Variants in SDE2 observed in about 807,000 individuals in gnomAD.
SDE2 encodes the protein splicing regulator SDE2.
In SDE2, 31 loss-of-function variants were observed where a neutral mutation model predicts 46.9. The observed-to-expected ratio is 0.66, with a 90% CI of 0.50 to 0.89. SDE2 has a LOEUF of 0.89. Ranked by LOEUF, SDE2 falls within the 40% of genes least tolerant of loss-of-function variation. The pLI is 0.00. For synonymous variants in SDE2, 205 were observed against 204.3 expected (o/e 1.00, Z -0.03); for missense variants, 542 against 564.4 (o/e 0.96, Z 0.40).
Position 225,994,245 on chromosome 1 carries a change from T to C in SDE2, c.238+1021A>G, listed in dbSNP as rs189685137. On this transcript the variant is annotated intron_variant, in intron 2 of 6. Transcript: ENST00000272091. ...GCTCCTAACACCACACCTGGCTAAT[T>C]TTTATATCTCTAGTAGAGACGGGGT... 4.3e-4 allele frequency among the ~76,000 whole-genome samples: 65 copies of C among 152,248 alleles called. 1 individual carries two copies. In the East Asian group the frequency reaches 0.013, roughly 29 times the overall value.
At position 225,988,160 on chromosome 1, in the gene SDE2, C is replaced by A; in HGVS notation, c.870G>T (p.Gly290=). Residue 290 remains glycine, a synonymous_variant, in exon 6 of 7, where the codon GGG becomes GGT. Transcript: ENST00000272091. The part of the protein sequence containing the change: ...EQLQIPVTDS[G]RHILEDSCAE... Reference sequence around the variant, plus strand: ...CACATGAGTCTTCTAAAATATGCCTCCCAGAGTCAGTCACCGGGATCTGCA... The same window carrying A: ...CACATGAGTCTTCTAAAATATGCCTACCAGAGTCAGTCACCGGGATCTGCA... 6.2e-7 allele frequency: 1 copy of A among 1,614,182 alleles called. No individual in the cohort carries two copies.
chr1:225,999,337 C>T lies in SDE2; in HGVS notation c.-25G>A, dbSNP rs1656605380. 2 of 1,604,064 alleles carry T rather than the reference C, an allele frequency of 1.2e-6. No homozygotes were observed. The highest frequency in any genetic ancestry group is 4.5e-5 in the East Asian group (2 of 44,454). On this transcript the variant is annotated 5_prime_UTR_variant, in exon 1 of 7. Transcript: ENST00000272091. ...TGTCACCGACTACCCGAACCTCAAG[C>T]CTCTCTGAGACACCAGGCGCCGCAA... is the stretch of plus-strand genomic sequence containing the variant.
chr1:225,995,527 C>G, intron 1 of SDE2, 144 bp from the exon 2 acceptor site: 1 of 519,066 alleles, frequency 1.9e-6, no homozygotes, highest in African/African-American at 2.0e-5. Flanking sequence ...ATGTAAACTA[C>G]TAGGAGAAAA....
intron 2 of SDE2, among the ~76,000 whole-genome samples, chr1:225,994,208 C>G (rs1364608977): frequency 6.6e-6 from 1 of 152,132 alleles, no homozygotes; most frequent in Admixed American, 6.6e-5. Context: ...TCCCAAGTAG[C>G]TGAGATTACA....
At position 225,985,538 on chromosome 1, in the gene SDE2, TAAGAA is replaced by T; in HGVS notation, c.1135-20_1135-16del. 2.0e-6 allele frequency: 3 copies of T among 1,504,780 alleles called. No homozygotes were observed. Among genetic ancestry groups the T allele is most frequent in the Non-Finnish European group, 2.8e-6 (3 of 1,082,134 alleles). The allele number at this position is 1,504,780 out of a possible 1,614,324, so 93.2% of individuals were successfully genotyped here. A position where few individuals can be genotyped will look rare whatever the true frequency, so the allele number is the denominator to read the frequency against. ...TTATCAATAACCTGAGGGAAAAAAA[TAAGAA>T]AATATTTAAAACAGGCTCCTTCCTC... is the stretch of plus-strand genomic sequence containing the variant. On this transcript the variant is annotated splice_polypyrimidine_tract_variant and intron_variant, in intron 6 of 6. Coordinates refer to ENST00000272091, the MANE Select transcript of SDE2 (RefSeq NM_152608.4).
At chr1:225,997,595 A>G (rs1269033407) in intron 1 of SDE2, among the ~76,000 whole-genome samples, 2 of 151,348 alleles carry the variant, frequency 1.3e-5, no homozygotes, top group Non-Finnish European at 2.9e-5. Flanking sequence ...ACGCCTGGCT[A>G]ATTTTTGTGT....
chr1:225,992,642 A>T, intron 3 of SDE2, 75 bp from the exon 4 acceptor site: 1 of 985,492 alleles, frequency 1.0e-6, no homozygotes, highest in Non-Finnish European at 1.5e-6. Context: ...AATGTCTCTG[A>T]CGAATTAATG....
rs149513861 is a variant in SDE2, at chr1:225,987,414, G to A, written c.1134+482C>T. On this transcript the variant is annotated intron_variant, in intron 6 of 6. Transcript: ENST00000272091. ...TAAGATTTAATGATAAATTTAAAAG[G>A]AGGTTCCTCTTCTATAGAAGAGGTC... Among the ~76,000 whole-genome samples the A allele has an allele frequency of 1.6e-3, 247 of 152,222 alleles. 1 individual carries two copies. Among genetic ancestry groups the A allele is most frequent in the African/African-American group, 5.6e-3 (234 of 41,526 alleles).
intron 5 of SDE2, among the ~76,000 whole-genome samples, chr1:225,990,867 G>A (rs1656383032): frequency 6.6e-6 from 1 of 150,700 alleles, no homozygotes; most frequent in Admixed American, 6.7e-5. Flanking sequence ...GAGAAGTCTG[G>A]CAAAGTGACC....
At chr1:225,992,840 AG>A (rs1656433284) in intron 3 of SDE2, 50 bp downstream of exon 3, 1 of 1,020,568 alleles carries the variant, frequency 9.8e-7, no homozygotes, top group Non-Finnish European at 1.5e-6. Flanking sequence ...CACTACTAAT[AG>A]GAAAGTATAT....
chr1:225,989,618 G>C (rs1242983774), intron 5 of SDE2, among the ~76,000 whole-genome samples: 7 of 145,162 alleles, frequency 4.8e-5, no homozygotes, highest in African/African-American at 2.5e-5. Context: ...GACAGAGCAA[G>C]ATTCTGTCTC....
At chr1:225,998,774 T>C (rs1033693058) in intron 1 of SDE2, among the ~76,000 whole-genome samples, 5 of 152,158 alleles carry the variant, frequency 3.3e-5, no homozygotes, top group African/African-American at 1.2e-4. Flanking sequence ...GGATATGACA[T>C]ACTTCTCTAG....
chr1:225,986,591 T>C (rs1273022087), intron 6 of SDE2, among the ~76,000 whole-genome samples: 3 of 152,210 alleles, frequency 2.0e-5, no homozygotes, highest in Non-Finnish European at 4.4e-5. Flanking sequence ...GTTTAAAGAA[T>C]CACACTTGGT....
At position 225,989,759 on chromosome 1, in the gene SDE2, T is replaced by TA. The variant is rs199890087; in HGVS notation, c.642-1372dup. Among the ~76,000 whole-genome samples the TA allele has an allele frequency of 2.0e-5, 3 of 151,130 alleles. No homozygotes were observed. In the East Asian group the frequency reaches 5.9e-4, roughly 30 times the overall value. On this transcript the variant is annotated intron_variant, in intron 5 of 6. Coordinates refer to ENST00000272091, the MANE Select transcript of SDE2 (RefSeq NM_152608.4). ...GGTGTTTCCCAATAATAAATATTAATACACACACACACACATTTATAAATC... is the reference window on the plus strand; with the variant it reads ...GGTGTTTCCCAATAATAAATATTAATAACACACACACACACATTTATAAATC...
At chr1:225,994,063 C>T (rs1656464821) in intron 2 of SDE2, among the ~76,000 whole-genome samples, 1 of 151,684 alleles carries the variant, frequency 6.6e-6, no homozygotes, top group African/African-American at 2.4e-5. Context: ...GCCACCATGC[C>T]TGGCCACATG....
chr1:225,997,509 A>C (rs1656555124), intron 1 of SDE2, among the ~76,000 whole-genome samples: 1 of 152,106 alleles, frequency 6.6e-6, no homozygotes, highest in Admixed American at 6.5e-5. Flanking sequence ...GGCTCACTGC[A>C]ACCTCCACCT....
intron 5 of SDE2, among the ~76,000 whole-genome samples, chr1:225,990,888 A>G (rs1377140997): frequency 2.1e-5 from 2 of 97,524 alleles, no homozygotes; most frequent in East Asian, 3.6e-4. Flanking sequence ...AAAGACCTCA[A>G]TGATGACTGT....
chr1:225,998,788 G>A (rs1397818149), intron 1 of SDE2, among the ~76,000 whole-genome samples: 1 of 152,162 alleles, frequency 6.6e-6, no homozygotes, highest in Non-Finnish European at 1.5e-5. Flanking sequence ...TCTCTAGGCT[G>A]GGGCTAACAA....
At chr1:225,996,178 C>T (rs187334019) in intron 1 of SDE2, among the ~76,000 whole-genome samples, 236 of 152,138 alleles carry the variant, frequency 1.6e-3, no homozygotes, top group African/African-American at 5.5e-3. Flanking sequence ...AATATAATGG[C>T]GGGAGAGAGG....
Sources: gnomAD v4.1 joint callset for allele counts (sites outside exome capture counted in the v4.1 genomes callset) on GRCh38, gnomAD v4.1.1 for gene constraint, MANE v1.5 for transcripts, NCBI Gene and HGNC (gene_info 2026-07-23, HGNC 2026-07-21) for gene names.